ATP1B4: variants seen among roughly 807,000 people sequenced by gnomAD.
ATP1B4 encodes the protein ATPase Na+/K+ transporting family member beta 4.
ATP1B4 carries 32 observed loss-of-function variants against 29.6 expected under a neutral mutation model. That is an observed-to-expected ratio of 1.08 (90% CI 0.82 to 1.45). ATP1B4 has a LOEUF of 1.45. Ranked by LOEUF, ATP1B4 falls within the 40% of genes most tolerant of loss-of-function variation. ATP1B4 has a pLI of 0.00. For missense variants in ATP1B4, 323 were observed against 276.2 expected (o/e 1.17, Z -1.20); for synonymous variants, 127 against 102.1 (o/e 1.24, Z -1.47).
intron 4 of ATP1B4, 119 bp downstream of exon 4, chrX:120,371,329 C>T (rs1036680863): frequency 5.6e-6 from 3 of 532,342 alleles, no homozygotes; most frequent in Non-Finnish European, 9.6e-6. Flanking sequence ...TCATCATGGT[C>T]TGTCCTTACT....
Position 120,382,032 on chromosome X carries a change from G to A in ATP1B4, c.*2398G>A, listed in dbSNP as rs1320610634. 3.6e-5 allele frequency: 4 copies of A among 111,963 alleles called. No individual in the cohort carries two copies. In the South Asian group the frequency reaches 1.1e-3, roughly 31 times the overall value. 9.2% of individuals were successfully genotyped at this position (111,963 alleles called of 1,213,427 possible). A position where few individuals can be genotyped will look rare whatever the true frequency, so the allele number is the denominator to read the frequency against. On this transcript the variant is annotated 3_prime_UTR_variant, in exon 8 of 8. Coordinates refer to ENST00000218008, the MANE Select transcript of ATP1B4 (RefSeq NM_001142447.3). ...TGTAGGGTTGGTGAGAAGGAAAGAT[G>A]AGAACAAAAGCAACATTGGGTTAAG...
At chrX:120,362,927 T>C (rs2058269398) in intron 1 of ATP1B4, among the ~76,000 whole-genome samples, 1 of 112,729 alleles carries the variant, frequency 8.9e-6, no homozygotes, top group Non-Finnish European at 1.9e-5. Context: ...CCCATTGCCA[T>C]CCTGACTGCC....
In ATP1B4 at chrX:120,381,249, G is replaced by C. The variant is rs2058379722; in HGVS notation, c.*1615G>C. 9.0e-6 allele frequency: 1 copy of C among 111,549 alleles called. No individual in the cohort carries two copies. The highest frequency in any genetic ancestry group is 3.3e-5 in the African/African-American group (1 of 30,648). 9.2% of individuals were successfully genotyped at this position (111,549 alleles called of 1,213,427 possible). A position where few individuals can be genotyped will look rare whatever the true frequency, so the allele number is the denominator to read the frequency against. On this transcript the variant is annotated 3_prime_UTR_variant, in exon 8 of 8. Transcript: ENST00000218008. Reference sequence around the variant, plus strand: ...TCATGAAGAGACCATGGTGTGTCTGGGTAACTGTGAGCAGTTTATGTAACT... The same window carrying C: ...TCATGAAGAGACCATGGTGTGTCTGCGTAACTGTGAGCAGTTTATGTAACT...
chrX:120,375,544 C>T lies in ATP1B4; in HGVS notation c.735C>T (p.Pro245=). The change falls in exon 5 of 8, where the codon CCC becomes CCT. Residue 245 remains proline (P), a synonymous_variant. Coordinates refer to ENST00000218008, the MANE Select transcript of ATP1B4 (RefSeq NM_001142447.3). The part of the protein sequence containing the change: ...DPTFGYSTGQ[P]CILLKMNRIV... ...CTTTTGGATACTCTACTGGACAGCCCTGCATCCTTCTAAAGATGAACCGGG... is the reference window on the plus strand; with the variant it reads ...CTTTTGGATACTCTACTGGACAGCCTTGCATCCTTCTAAAGATGAACCGGG... The T allele has an allele frequency of 8.3e-7, 1 of 1,206,437 alleles. No individual in the cohort carries two copies. The highest frequency in any genetic ancestry group is 1.1e-6 in the Non-Finnish European group (1 of 893,643).
At chrX:120,374,709 C>CAA (rs1283979902) in intron 4 of ATP1B4, among the ~76,000 whole-genome samples, 6 of 60,629 alleles carry the variant, frequency 9.9e-5, no homozygotes, top group Non-Finnish European at 1.8e-4. Flanking sequence ...TATATATATA[C>CAA]CCTTATATAT....
chrX:120,372,742 T>C (rs756744649), intron 4 of ATP1B4, among the ~76,000 whole-genome samples: 1 of 112,538 alleles, frequency 8.9e-6, no homozygotes, highest in Non-Finnish European at 1.9e-5. Flanking sequence ...TACGCTGCTG[T>C]CACATGACCA....
At chrX:120,370,669 G>A (rs1282230393) in intron 2 of ATP1B4, 46 bp from the exon 3 acceptor site, 3 of 1,199,664 alleles carry the variant, frequency 2.5e-6, no homozygotes, top group East Asian at 3.0e-5. Context: ...GGGAGGAAGA[G>A]CTTGTTGGCA....
At chrX:120,367,918 T>C (rs771612298) in intron 2 of ATP1B4, among the ~76,000 whole-genome samples, 23 of 110,678 alleles carry the variant, frequency 2.1e-4, no homozygotes, top group African/African-American at 2.6e-4. Flanking sequence ...AAATGTACCA[T>C]TTAAGGAACA....
chrX:120,370,944 G>T lies in ATP1B4; in HGVS notation c.457+101G>T. On this transcript the variant is annotated intron_variant, in intron 3 of 7. Coordinates refer to ENST00000218008, the MANE Select transcript of ATP1B4 (RefSeq NM_001142447.3). ...ATTAACTTTGGCTCTTCCTGGTAAT[G>T]ACTTAGAGATTCAATTATTAGGAGG... 3 of 1,081,618 alleles carry T rather than the reference G, an allele frequency of 2.8e-6. No individual in the cohort carries two copies. The South Asian group carries it at 6.3e-5, about 23-fold the overall frequency. 89.1% of individuals were successfully genotyped at this position (1,081,618 alleles called of 1,213,427 possible).
chrX:120,369,535 A>T (rs556126325), intron 2 of ATP1B4, among the ~76,000 whole-genome samples: 15 of 112,141 alleles, frequency 1.3e-4, no homozygotes, highest in African/African-American at 4.9e-4. Flanking sequence ...TTCAGTTCAA[A>T]TCTGTAGGTC....
Position 120,364,404 on chromosome X carries a change from C to T in ATP1B4, c.64-2121C>T, listed in dbSNP as rs186691649. ...GGTGACAAGCTCTGTGAGAGCATTC[C>T]CGCAGAGTCCTGCATCAGGAATTTT... On this transcript the variant is annotated intron_variant, in intron 1 of 7. Transcript: ENST00000218008. Among the ~76,000 whole-genome samples, 63 of 111,560 alleles carry T rather than the reference C, an allele frequency of 5.6e-4. No individual in the cohort carries two copies. In the Admixed American group the frequency reaches 6.0e-3, roughly 11 times the overall value.
At chrX:120,375,645 G>C in intron 5 of ATP1B4, 77 bp downstream of exon 5, 1 of 893,368 alleles carries the variant, frequency 1.1e-6, no homozygotes, top group South Asian at 2.7e-5. Flanking sequence ...CATTTGTCTT[G>C]GTCTCTGTCT....
chrX:120,372,061 G>T (rs923404547), intron 4 of ATP1B4, among the ~76,000 whole-genome samples: 9 of 112,329 alleles, frequency 8.0e-5, no homozygotes, highest in African/African-American at 2.6e-4. Context: ...GTATTTTCGA[G>T]GTGCCTATCT....
intron 2 of ATP1B4, among the ~76,000 whole-genome samples, chrX:120,368,849 C>T (rs1480636935): frequency 9.0e-6 from 1 of 111,570 alleles, no homozygotes; most frequent in Non-Finnish European, 1.9e-5. Context: ...GAGGAAAGAC[C>T]CAAGTAATAC....
chrX:120,364,701 A>C (rs1040314614), intron 1 of ATP1B4, among the ~76,000 whole-genome samples: 3 of 112,049 alleles, frequency 2.7e-5, no homozygotes, highest in South Asian at 3.7e-4. Context: ...CCTTGATTAT[A>C]ATAAGCACCT....
Position 120,379,698 on chromosome X carries a change from A to T in ATP1B4, c.*64A>T. The T allele has an allele frequency of 7.4e-6, 8 of 1,083,197 alleles. No individual in the cohort carries two copies. Among genetic ancestry groups the T allele is most frequent in the Non-Finnish European group, 9.9e-6 (8 of 811,084 alleles). The allele number at this position is 1,083,197 out of a possible 1,213,427, so 89.3% of individuals were successfully genotyped here. ...TTTATCTCATGGTATCTCTGGTAGC[A>T]CCTGAATTCTTTTTCTTCAATTAGG... On this transcript the variant is annotated 3_prime_UTR_variant, in exon 8 of 8. Coordinates refer to ENST00000218008, the MANE Select transcript of ATP1B4 (RefSeq NM_001142447.3).
rs1445686395 is a variant in ATP1B4, at chrX:120,382,661, T to G, written c.*3027T>G. 2 of 112,422 alleles carry G rather than the reference T, an allele frequency of 1.8e-5. No individual in the cohort carries two copies. The highest frequency in any genetic ancestry group is 6.5e-5 in the African/African-American group (2 of 30,999). The allele number at this position is 112,422 out of a possible 1,213,427, so 9.3% of individuals were successfully genotyped here. ...GTATGTAAATTTTGAGTTAAAATAG[T>G]TAACATTTCACAGGAATTCAACTAC... On this transcript the variant is annotated 3_prime_UTR_variant, in exon 8 of 8. Transcript: ENST00000218008.
At chrX:120,368,540 C>T (rs751113839) in intron 2 of ATP1B4, among the ~76,000 whole-genome samples, 31 of 111,971 alleles carry the variant, frequency 2.8e-4, no homozygotes, top group African/African-American at 9.7e-4. Flanking sequence ...ATTATTATCC[C>T]CATTTTACAG....
In ATP1B4 at chrX:120,381,109, T is replaced by C. The variant is rs1569357369; in HGVS notation, c.*1475T>C. On this transcript the variant is annotated 3_prime_UTR_variant, in exon 8 of 8. Transcript: ENST00000218008. ...TGAAGACAAGCAAGTGGAGAAGTTA[T>C]ACGATATAGTTTAATGAGAGTTAAA... is the stretch of plus-strand genomic sequence containing the variant. 2 of 112,680 alleles carry C rather than the reference T, an allele frequency of 1.8e-5. No individual in the cohort carries two copies. Among genetic ancestry groups the C allele is most frequent in the East Asian group, 5.6e-4 (2 of 3,579 alleles). 9.3% of individuals were successfully genotyped at this position (112,680 alleles called of 1,213,427 possible).
Sources: allele counts gnomAD v4.1 joint callset (sites outside exome capture counted in the v4.1 genomes callset), GRCh38; gene constraint gnomAD v4.1.1; transcripts MANE v1.5; gene names NCBI Gene and HGNC (gene_info 2026-07-23, HGNC 2026-07-21).